The following PPARG variants were observed in gnomAD, a reference collection of about 807,000 sequenced individuals.
The protein encoded by PPARG is peroxisome proliferator-activated receptor gamma.
A neutral mutation model predicts 39.2 loss-of-function variants in PPARG; 17 were observed. The observed-to-expected ratio is 0.43, with a 90% confidence interval of 0.30 to 0.65. The LOEUF (loss-of-function observed/expected upper bound fraction) is 0.65, where lower values mean the gene tolerates loss of function less well. PPARG is among the 30% of genes least tolerant of loss of function. The probability of loss-of-function intolerance (pLI) is 0.13; values close to 1 mark genes in which losing one functional copy is unlikely to be tolerated. For synonymous variants in PPARG, 223 were observed against 215.7 expected (o/e 1.03, Z -0.30); for missense variants, 406 against 585.9 (o/e 0.69, Z 3.17).
At chr3:12,288,605 G>A (rs1264050026), upstream of PPARG, among the ~76,000 whole-genome samples, 1 of 152,118 alleles carries the variant, frequency 6.6e-6, no homozygotes, top group African/African-American at 2.4e-5. Flanking sequence ...CTGAGGAGGA[G>A]GTCCCGTTCG....
chr3:12,416,647 A>G, intron 6 of PPARG, 57 bp from the exon 7 acceptor site: 2 of 1,520,938 alleles, frequency 1.3e-6, no homozygotes, highest in South Asian at 2.3e-5. Flanking sequence ...CTGGGATGGC[A>G]TTCACTGTGA....
intron 1 of PPARG, among the ~76,000 whole-genome samples, chr3:12,311,150 C>T (rs1251678028): frequency 3.3e-5 from 5 of 152,132 alleles, no homozygotes. Context: ...GTTGCCCAGG[C>T]TGGAGTGCAG....
intron 1 of PPARG, among the ~76,000 whole-genome samples, chr3:12,304,593 A>G (rs1274230972): frequency 6.6e-6 from 1 of 152,252 alleles, no homozygotes; most frequent in African/African-American, 2.4e-5. Flanking sequence ...TTTTGTTAAA[A>G]TAGCCAATTT....
At chr3:12,424,523 G>C (rs2051370459) in intron 7 of PPARG, among the ~76,000 whole-genome samples, 1 of 152,132 alleles carries the variant, frequency 6.6e-6, no homozygotes, top group African/African-American at 2.4e-5. Flanking sequence ...ATCATTTTGG[G>C]CTCTCACAAT....
At chr3:12,312,281 A>T (rs2047268053) in intron 1 of PPARG, 99 bp from the exon 2 acceptor site, 1 of 151,962 alleles carries the variant, frequency 6.6e-6, no homozygotes, top group South Asian at 2.1e-4. Context: ...AGGTAAATTT[A>T]TTTGGGCATG....
chr3:12,301,520 G>A (rs1292876541), intron 1 of PPARG: 1 of 152,120 alleles, frequency 6.6e-6, no homozygotes, highest in Admixed American at 6.6e-5. Flanking sequence ...TCCTTTTATA[G>A]GGTAGATATG....
rs1394344276 is a variant in PPARG, at chr3:12,409,837, C to T, written c.729+3756C>T. ...TCACCATTGCCTATTGTAGAATGCG[C>T]CCTGCCCGCTCAGCATTTGCCTCTA... On this transcript the variant is annotated intron_variant, in intron 6 of 7. Coordinates refer to ENST00000651735, the MANE Select transcript of PPARG (RefSeq NM_138711.6). 8.5e-5 allele frequency among the ~76,000 whole-genome samples: 13 copies of T among 152,272 alleles called. No homozygotes were observed. In the South Asian group the frequency reaches 2.1e-3, roughly 24 times the overall value.
chr3:12,361,177 C>T (rs903800535), intron 2 of PPARG, among the ~76,000 whole-genome samples: 1 of 152,152 alleles, frequency 6.6e-6, no homozygotes, highest in East Asian at 1.9e-4. Context: ...CTTTAAAAAG[C>T]GTTTGTTGTC....
At position 12,320,261 on chromosome 3, in the gene PPARG, G is replaced by C. The variant is rs541528776; in HGVS notation, c.-9+7808G>C. On this transcript the variant is annotated intron_variant, in intron 2 of 7. Coordinates refer to ENST00000651735, the MANE Select transcript of PPARG (RefSeq NM_138711.6). ...GTATGTATGCATGTATGTATCGCTA[G>C]AGGAATGTGCGTCCTTGCTTTCTTA... 8.5e-5 allele frequency among the ~76,000 whole-genome samples: 13 copies of C among 152,298 alleles called. No individual in the cohort carries two copies. The East Asian group carries it at 2.3e-3, about 27-fold the overall frequency.
At chr3:12,299,098 G>A (rs2046864248) in intron 1 of PPARG, among the ~76,000 whole-genome samples, 1 of 152,096 alleles carries the variant, frequency 6.6e-6, no homozygotes, top group South Asian at 2.1e-4. Context: ...GCCTCCCAAA[G>A]TGCTGGGATT....
chr3:12,407,309 T>A (rs551492802), intron 6 of PPARG, among the ~76,000 whole-genome samples: 2 of 152,266 alleles, frequency 1.3e-5, no homozygotes, highest in Middle Eastern at 3.4e-3. Context: ...TGCAGGCGCA[T>A]GCCACCATGC....
At chr3:12,375,243 TGGGAGA>T (rs2049365304) in intron 2 of PPARG, among the ~76,000 whole-genome samples, 1 of 146,924 alleles carries the variant, frequency 6.8e-6, no homozygotes, top group African/African-American at 2.6e-5. Context: ...GTTGGGGAGG[TGGGAGA>T]GAGAGAGAGA....
intron 2 of PPARG, among the ~76,000 whole-genome samples, chr3:12,313,965 A>C (rs552203277): frequency 6.6e-6 from 1 of 152,196 alleles, no homozygotes; most frequent in African/African-American, 2.4e-5. Context: ...GCTGCATGCA[A>C]CTTCCACTAA....
At chr3:12,395,273 C>G (rs889570338) in intron 5 of PPARG, among the ~76,000 whole-genome samples, 3 of 152,226 alleles carry the variant, frequency 2.0e-5, no homozygotes, top group Non-Finnish European at 4.4e-5. Flanking sequence ...AGGTAGGCAC[C>G]TGGCATGTCA....
At chr3:12,320,757 G>A (rs1011331979) in intron 2 of PPARG, among the ~76,000 whole-genome samples, 4 of 152,190 alleles carry the variant, frequency 2.6e-5, no homozygotes, top group Admixed American at 6.5e-5. Context: ...GCGCCCGCCA[G>A]TAATCCCAAC....
intron 2 of PPARG, among the ~76,000 whole-genome samples, chr3:12,360,465 A>G (rs1047604526): frequency 2.0e-5 from 3 of 151,936 alleles, no homozygotes; most frequent in South Asian, 2.1e-4. Flanking sequence ...TAGGACCCAT[A>G]TGGAACATTC....
At chr3:12,364,828 A>G (rs751125363) in intron 2 of PPARG, among the ~76,000 whole-genome samples, 2 of 152,214 alleles carry the variant, frequency 1.3e-5, no homozygotes, top group Non-Finnish European at 2.9e-5. Context: ...TGCCATCTAT[A>G]TATCTTCTTG....
At chr3:12,351,297 G>A (rs545116979) in intron 2 of PPARG, among the ~76,000 whole-genome samples, 1 of 152,162 alleles carries the variant, frequency 6.6e-6, no homozygotes, top group Non-Finnish European at 1.5e-5. Flanking sequence ...GGTCACCGGC[G>A]AGACAGTGTG....
chr3:12,381,736 G>C lies in PPARG; in HGVS notation c.390+245G>C, dbSNP rs906230029. Among the ~76,000 whole-genome samples the C allele has an allele frequency of 5.6e-5, 6 of 107,596 alleles. No individual in the cohort carries two copies. In the East Asian group the frequency reaches 1.8e-3, roughly 33 times the overall value. 70.6% of individuals were successfully genotyped at this position (107,596 alleles called of 152,430 possible). ...ATATAAGATTTGAAAGCCTAAGAAA[G>C]TGGATAAAAGTTGGGCTGCTTTGCC... On this transcript the variant is annotated intron_variant, in intron 4 of 7. Transcript: ENST00000651735.
Sources: allele counts gnomAD v4.1 joint callset (sites outside exome capture counted in the v4.1 genomes callset), GRCh38; gene constraint gnomAD v4.1.1; transcripts MANE v1.5; gene names NCBI Gene and HGNC (gene_info 2026-07-23, HGNC 2026-07-21).